GRIA3: variants seen among roughly 807,000 people sequenced by gnomAD.
GRIA3 encodes glutamate ionotropic receptor AMPA type subunit 3, also known as glutamate receptor 3.
GRIA3 carries 3 observed loss-of-function variants against 63.0 expected under a neutral mutation model. That is an observed-to-expected ratio of 0.05 (90% CI 0.02 to 0.12). The LOEUF is 0.12. GRIA3 is among the 10% of genes least tolerant of loss of function. The pLI is 1.00. For missense variants in GRIA3, 347 were observed against 700.9 expected (o/e 0.50, Z 5.70); for synonymous variants, 274 against 257.9 (o/e 1.06, Z -0.60).
intron 2 of GRIA3, among the ~76,000 whole-genome samples, chrX:123,194,254 ATTG>A (rs1047937471): frequency 1.8e-5 from 2 of 110,626 alleles, no homozygotes. Flanking sequence ...GCTTTTAAAA[ATTG>A]TTGTGATCAA....
intron 3 of GRIA3, among the ~76,000 whole-genome samples, chrX:123,315,077 A>G (rs1190982078): frequency 9.0e-6 from 1 of 111,720 alleles, no homozygotes; most frequent in East Asian, 2.8e-4. Flanking sequence ...AGCACAAACA[A>G]CTGGGAAACT....
At chrX:123,301,674 G>A (rs1380734709) in intron 3 of GRIA3, among the ~76,000 whole-genome samples, 1 of 111,740 alleles carries the variant, frequency 8.9e-6, no homozygotes, top group East Asian at 2.8e-4. Flanking sequence ...CTAGTAAGTG[G>A]TGGAGCTAGA....
chrX:123,203,389 T>A (rs1927797936), intron 2 of GRIA3, among the ~76,000 whole-genome samples: 1 of 111,965 alleles, frequency 8.9e-6, no homozygotes, highest in African/African-American at 3.3e-5. Flanking sequence ...GGCCTCACCT[T>A]TTCCCATTTG....
At chrX:123,374,089 T>C (rs755825890) in intron 5 of GRIA3, among the ~76,000 whole-genome samples, 22 of 111,869 alleles carry the variant, frequency 2.0e-4, no homozygotes, top group African/African-American at 5.8e-4. Context: ...GCCAGTTTTC[T>C]CAGCACCATT....
chrX:123,255,456 A>C (rs750160454), intron 3 of GRIA3, among the ~76,000 whole-genome samples: 1 of 110,627 alleles, frequency 9.0e-6, no homozygotes, highest in African/African-American at 3.3e-5. Context: ...GTGCATATCA[A>C]TTTCGTTTTC....
intron 5 of GRIA3, among the ~76,000 whole-genome samples, chrX:123,360,826 C>T (rs2045167166): frequency 1.1e-5 from 1 of 92,771 alleles, no homozygotes; most frequent in African/African-American, 4.0e-5. Flanking sequence ...AACCATTTTC[C>T]TTCCCTCCTC....
intron 15 of GRIA3, among the ~76,000 whole-genome samples, chrX:123,487,235 ATT>A (rs1420849033): frequency 1.7e-4 from 19 of 112,903 alleles, no homozygotes; most frequent in African/African-American, 5.5e-4. Flanking sequence ...TTAGGAAGTT[ATT>A]TCTCATTTCC....
intron 15 of GRIA3, among the ~76,000 whole-genome samples, chrX:123,484,218 G>A (rs2147448342): frequency 8.9e-6 from 1 of 112,010 alleles, no homozygotes; most frequent in East Asian, 2.8e-4. Context: ...AATTCAGAAT[G>A]TTCAAATGCA....
chrX:123,218,284 T>C (rs1224907916), intron 2 of GRIA3, among the ~76,000 whole-genome samples: 2 of 111,404 alleles, frequency 1.8e-5, no homozygotes, highest in Non-Finnish European at 3.8e-5. Context: ...GGTATTCAGG[T>C]TATCCAGCTT....
intron 5 of GRIA3, among the ~76,000 whole-genome samples, chrX:123,376,470 G>A (rs2045285363): frequency 1.8e-5 from 2 of 111,191 alleles, no homozygotes; most frequent in Non-Finnish European, 1.9e-5. Context: ...ATCTAGTCTC[G>A]GTTTTCTGTA....
intron 2 of GRIA3, among the ~76,000 whole-genome samples, chrX:123,227,395 C>T (rs191123178): frequency 2.2e-4 from 25 of 111,725 alleles, no homozygotes; most frequent in African/African-American, 6.5e-4. Context: ...AATGAATGGA[C>T]GAATGAATGG....
intron 4 of GRIA3, among the ~76,000 whole-genome samples, chrX:123,352,251 T>C (rs1236489876): frequency 9.0e-6 from 1 of 111,543 alleles, no homozygotes; most frequent in Admixed American, 9.5e-5. Context: ...TGGCTAATTT[T>C]GTATTTTTAG....
chrX:123,322,306 C>A (rs1199555644), intron 3 of GRIA3, among the ~76,000 whole-genome samples: 1 of 112,036 alleles, frequency 8.9e-6, no homozygotes, highest in Non-Finnish European at 1.9e-5. Flanking sequence ...TGGTAACTAC[C>A]ATTCTTTAAA....
At chrX:123,241,354 G>T (rs891634302) in intron 2 of GRIA3, among the ~76,000 whole-genome samples, 5 of 111,883 alleles carry the variant, frequency 4.5e-5, no homozygotes, top group African/African-American at 6.5e-5. Flanking sequence ...AAGGTTGGGG[G>T]AAGCCTGGTT....
chrX:123,438,801 G>A (rs1372199795), intron 12 of GRIA3, among the ~76,000 whole-genome samples: 1 of 112,711 alleles, frequency 8.9e-6, no homozygotes, highest in Non-Finnish European at 1.9e-5. Context: ...CACCGCACCC[G>A]ATCTGCTATA....
At chrX:123,318,368 A>G (rs2044846502) in intron 3 of GRIA3, among the ~76,000 whole-genome samples, 1 of 111,908 alleles carries the variant, frequency 8.9e-6, no homozygotes, top group Non-Finnish European at 1.9e-5. Flanking sequence ...TTTCTTGTCT[A>G]CTGCATCGTC....
At chrX:123,273,204 T>C (rs1012843252) in intron 3 of GRIA3, among the ~76,000 whole-genome samples, 5 of 111,855 alleles carry the variant, frequency 4.5e-5, no homozygotes, top group African/African-American at 1.6e-4. Context: ...CCTAGCTTTC[T>C]TGTGGGACCA....
rs771643533 is a variant in GRIA3, at chrX:123,245,133, T to A, written c.269-8170T>A. ...TTGGTGAAGCATTACAAAAGAATGG[T>A]ATAGGGAAATGAGGGAGAGAACAAA... On this transcript the variant is annotated intron_variant, in intron 2 of 15. Coordinates refer to ENST00000620443, the MANE Select transcript of GRIA3 (RefSeq NM_007325.5). 2.7e-5 allele frequency among the ~76,000 whole-genome samples: 3 copies of A among 111,887 alleles called. No homozygotes were observed. In the South Asian group the frequency reaches 1.1e-3, roughly 42 times the overall value.
Position 123,448,046 on chromosome X carries a change from C to T in GRIA3, c.2077-16819C>T, listed in dbSNP as rs745886197. Among the ~76,000 whole-genome samples the T allele has an allele frequency of 1.2e-3, 130 of 111,995 alleles. 1 individual carries two copies. The highest frequency in any genetic ancestry group is 2.1e-3 in the Non-Finnish European group (110 of 53,188). On this transcript the variant is annotated intron_variant, in intron 12 of 15. Transcript: ENST00000620443. ...GAGCCAGAAAAAGATAATCAGGCTA[C>T]GTAGAAACTTAAGGAGTGCACCTTT... is the stretch of plus-strand genomic sequence containing the variant.
Sources: allele counts gnomAD v4.1 joint callset (sites outside exome capture counted in the v4.1 genomes callset), GRCh38; gene constraint gnomAD v4.1.1; transcripts MANE v1.5; gene names NCBI Gene and HGNC (gene_info 2026-07-23, HGNC 2026-07-21).